Variants in PKNOX1 observed in about 807,000 individuals in gnomAD.
PKNOX1 encodes the protein PBX/knotted 1 homeobox 1.
A neutral mutation model predicts 51.9 loss-of-function variants in PKNOX1; 15 were observed. The observed-to-expected ratio is 0.29, with a 90% CI of 0.19 to 0.45. The LOEUF (loss-of-function observed/expected upper bound fraction) is 0.45. PKNOX1 is among the 20% of genes least tolerant of loss of function. PKNOX1 has a pLI of 1.00. For missense variants in PKNOX1, 462 were observed against 547.5 expected, an observed-to-expected ratio of 0.84 and a Z score of 1.56; for synonymous variants, 219 against 211.1, an observed-to-expected ratio of 1.04 and a Z score of -0.32.
chr21:42,975,730 C>G (rs934231560), intron 1 of PKNOX1, among the ~76,000 whole-genome samples: 3 of 152,312 alleles, frequency 2.0e-5, no homozygotes, highest in Non-Finnish European at 2.9e-5. Context: ...CTGAGCGCCA[C>G]GGCGGGGCCG....
intron 1 of PKNOX1, among the ~76,000 whole-genome samples, chr21:42,977,299 C>T (rs2059001796): frequency 6.6e-6 from 1 of 152,180 alleles, no homozygotes; most frequent in Non-Finnish European, 1.5e-5. Context: ...TGAAACTAAG[C>T]ACTGAGTTCT....
intron 1 of PKNOX1, among the ~76,000 whole-genome samples, chr21:43,001,240 A>G (rs1978738030): frequency 6.6e-6 from 1 of 152,244 alleles, no homozygotes; most frequent in South Asian, 2.1e-4. Context: ...TATCCGTTAT[A>G]CCAGGCTGCT....
chr21:43,025,941 T>C (rs1422573654), intron 9 of PKNOX1, among the ~76,000 whole-genome samples: 1 of 152,236 alleles, frequency 6.6e-6, no homozygotes, highest in Non-Finnish European at 1.5e-5. Context: ...CAACAGACTA[T>C]ACTATTTGCG....
At chr21:43,024,843 C>G (rs1459854068) in intron 8 of PKNOX1, 28 bp from the exon 9 acceptor site, 1 of 1,441,476 alleles carries the variant, frequency 6.9e-7, no homozygotes, top group East Asian at 2.3e-5. Flanking sequence ...ACTCGAAGGC[C>G]ATGGTAACCT....
At chr21:42,993,916 A>G (rs926564530) in intron 1 of PKNOX1, among the ~76,000 whole-genome samples, 3 of 149,692 alleles carry the variant, frequency 2.0e-5, no homozygotes, top group African/African-American at 4.9e-5. Flanking sequence ...TATTTTTAGT[A>G]GACACGGGGT....
chr21:43,020,520 C>G (rs1979705977), intron 7 of PKNOX1: 1 of 152,246 alleles, frequency 6.6e-6, no homozygotes, highest in African/African-American at 2.4e-5. Flanking sequence ...GCAGAGTAGC[C>G]TACGCTTTCC....
At chr21:42,991,881 T>C (rs1397933555) in intron 1 of PKNOX1, among the ~76,000 whole-genome samples, 1 of 152,260 alleles carries the variant, frequency 6.6e-6, no homozygotes, top group Admixed American at 6.5e-5. Flanking sequence ...TATTTATTTA[T>C]GTACTTACTG....
intron 1 of PKNOX1, among the ~76,000 whole-genome samples, chr21:42,993,857 G>A (rs141660494): frequency 0.021 from 3,091 of 150,372 alleles, 37 homozygotes; most frequent in Middle Eastern, 0.055. Flanking sequence ...CTCAGCCTCC[G>A]GAGTAGCTGG....
Position 43,029,925 on chromosome 21 carries a change from A to G in PKNOX1, c.1135A>G (p.Asn379Asp), listed in dbSNP as rs146209092. 1.9e-5 allele frequency: 30 copies of G among 1,614,194 alleles called. No individual in the cohort carries two copies. Among genetic ancestry groups the G allele is most frequent in the Middle Eastern group, 1.6e-4 (1 of 6,062 alleles). Reference protein sequence around the residue: ...VVTITTPVNMNVDSLQSLSSD... With the variant: ...VVTITTPVNMDVDSLQSLSSD... ...CACCATCACCACGCCCGTGAACATG[A>G]ACGTGGACAGCCTTCAGTCTCTGTC... is the stretch of plus-strand genomic sequence containing the variant. The change falls in exon 11 of 11, where the codon AAC (asparagine) becomes GAC (aspartate). Residue 379 changes from asparagine to aspartate, a missense_variant. Physicochemically the swap from Asn to Asp is conservative, Grantham distance 23 (BLOSUM62 1). Coordinates refer to ENST00000291547, the MANE Select transcript of PKNOX1 (RefSeq NM_004571.5).
chr21:42,994,434 C>G (rs1978401945), intron 1 of PKNOX1, among the ~76,000 whole-genome samples: 1 of 118,354 alleles, frequency 8.4e-6, no homozygotes, highest in South Asian at 2.9e-4. Flanking sequence ...ACATTGGCTT[C>G]CCAAAATGCT....
Position 43,031,230 on chromosome 21 carries a change from G to A in PKNOX1, c.*1129G>A, listed in dbSNP as rs1384167819. The A allele has an allele frequency of 6.5e-6, 1 of 152,678 alleles. No homozygotes were observed. Among genetic ancestry groups the A allele is most frequent in the Non-Finnish European group, 1.5e-5 (1 of 68,048 alleles). 9.5% of individuals were successfully genotyped at this position (152,678 alleles called of 1,614,324 possible). A position where few individuals can be genotyped will look rare whatever the true frequency, so the allele number is the denominator to read the frequency against. On this transcript the variant is annotated 3_prime_UTR_variant, in exon 11 of 11. Transcript: ENST00000291547. The stretch of plus-strand genomic sequence containing the variant: ...ATGTGCTCTACCCCATTGGCTCAGA[G>A]CTAGGGCAAACAGCAGATATTCAGA...
In PKNOX1 at chr21:43,021,371, G is replaced by A. The variant is rs1205412919; in HGVS notation, c.789G>A (p.Arg263=). 7 of 1,613,498 alleles carry A rather than the reference G, an allele frequency of 4.3e-6. No homozygotes were observed. The highest frequency in any genetic ancestry group is 5.9e-6 in the Non-Finnish European group (7 of 1,179,618). ...HQDDGSSKNK[R]GVLPKHATNV... ...ATGATGGTTCATCTAAGAACAAGAG[G>A]GGCGTCCTGCCAAAGCATGCCACGA... Residue 263 remains arginine, a synonymous_variant, in exon 8 of 11, where the codon AGG becomes AGA. Coordinates refer to ENST00000291547, the MANE Select transcript of PKNOX1 (RefSeq NM_004571.5). This position sits in a 1 kb window ranked among gnomAD's most constrained non-coding sequence, Gnocchi z 4.6.
intron 1 of PKNOX1, among the ~76,000 whole-genome samples, chr21:42,990,172 G>A (rs1164144686): frequency 6.6e-6 from 1 of 152,026 alleles, no homozygotes; most frequent in Non-Finnish European, 1.5e-5. Flanking sequence ...TGAGGCAGGA[G>A]AATTGCTTGA....
chr21:43,007,833 G>A (rs1386734078), intron 3 of PKNOX1: 1 of 444,658 alleles, frequency 2.2e-6, no homozygotes. Flanking sequence ...GGAGGCTGAG[G>A]CGGGCGGATC....
intron 8 of PKNOX1, among the ~76,000 whole-genome samples, chr21:43,024,014 G>A (rs1316586886): frequency 2.0e-5 from 3 of 151,812 alleles, no homozygotes; most frequent in Non-Finnish European, 2.9e-5. Context: ...GATTACAGGC[G>A]TGAGGCACCG....
chr21:43,024,118 G>T (rs767621149), intron 8 of PKNOX1, among the ~76,000 whole-genome samples: 3 of 152,134 alleles, frequency 2.0e-5, no homozygotes, highest in Non-Finnish European at 4.4e-5. Flanking sequence ...CACCAGCCCT[G>T]GGTTCAGTTC....
intron 5 of PKNOX1, among the ~76,000 whole-genome samples, chr21:43,013,465 G>C (rs1442843128): frequency 4.6e-5 from 7 of 152,086 alleles, no homozygotes; most frequent in Admixed American, 2.0e-4. Context: ...TTTATGGAAG[G>C]CACAATTCCA....
intron 7 of PKNOX1, 137 bp downstream of exon 7, chr21:43,018,367 G>A: frequency 1.7e-6 from 1 of 595,228 alleles, no homozygotes; most frequent in Non-Finnish European, 3.0e-6. Flanking sequence ...CTGAATGTCA[G>A]TGTTTTGTTT....
At chr21:42,996,379 C>T (rs1015110445) in intron 1 of PKNOX1, among the ~76,000 whole-genome samples, 3 of 152,134 alleles carry the variant, frequency 2.0e-5, no homozygotes, top group African/African-American at 7.2e-5. Flanking sequence ...ACTGACCTAA[C>T]AGGATTCTTG....
Sources: allele counts gnomAD v4.1 joint callset (sites outside exome capture counted in the v4.1 genomes callset), GRCh38; gene constraint gnomAD v4.1.1; non-coding constraint Gnocchi (gnomAD v3.1); transcripts MANE v1.5; gene names NCBI Gene and HGNC (gene_info 2026-07-23, HGNC 2026-07-21).